REEP1: variants seen among roughly 807,000 people sequenced by gnomAD.
REEP1 encodes receptor accessory protein 1, also known as receptor expression-enhancing protein 1.
A neutral mutation model predicts 40.3 loss-of-function variants in REEP1; 22 were observed. The observed-to-expected ratio is 0.55, with a 90% confidence interval of 0.39 to 0.78. The LOEUF is 0.78. REEP1 is among the 30% of genes least tolerant of loss of function. The probability of loss-of-function intolerance (pLI) is 0.00; values close to 1 mark genes in which losing one functional copy is unlikely to be tolerated. For missense variants in REEP1, 280 were observed against 361.1 expected, an observed-to-expected ratio of 0.78 and a Z score of 1.82; for synonymous variants, 116 against 139.2, an observed-to-expected ratio of 0.83 and a Z score of 1.17.
chr2:86,318,837 A>G (rs36079379), intron 1 of REEP1, among the ~76,000 whole-genome samples: 55,037 of 152,112 alleles, frequency 0.36, 11,893 homozygotes, highest in East Asian at 0.58. Context: ...GTTTGTATTT[A>G]TATAAAAAAA....
intron 2 of REEP1, among the ~76,000 whole-genome samples, chr2:86,269,822 A>C (rs1220047643): frequency 6.6e-6 from 1 of 152,022 alleles, no homozygotes; most frequent in East Asian, 1.9e-4. Flanking sequence ...TATCTGATAA[A>C]GCACTTATAT....
chr2:86,244,063 A>G (rs541458420), intron 5 of REEP1, among the ~76,000 whole-genome samples: 139 of 152,328 alleles, frequency 9.1e-4, no homozygotes, highest in Admixed American at 3.7e-3. Context: ...GAGGTTTTAT[A>G]AAAAGAAAAT....
intron 7 of REEP1, among the ~76,000 whole-genome samples, chr2:86,222,543 G>A (rs773830141): frequency 8.5e-5 from 13 of 152,158 alleles, no homozygotes; most frequent in Non-Finnish European, 1.8e-4. Context: ...AAGCTTCCAC[G>A]CCTCTAGCTG....
At chr2:86,338,025 T>C, upstream of REEP1, 1 of 1,537,180 alleles carries the variant, frequency 6.5e-7, no homozygotes, top group Non-Finnish European at 8.7e-7. Flanking sequence ...AGGGTTTACC[T>C]GGATCCAGAC....
chr2:86,321,133 T>C (rs1370691422), intron 1 of REEP1, among the ~76,000 whole-genome samples: 1 of 152,056 alleles, frequency 6.6e-6, no homozygotes, highest in Admixed American at 6.6e-5. Context: ...ATGAAGAGAC[T>C]TGAAAGACAG....
chr2:86,325,668 C>T (rs1680470788), intron 1 of REEP1, among the ~76,000 whole-genome samples: 1 of 152,160 alleles, frequency 6.6e-6, no homozygotes, highest in Admixed American at 6.5e-5. Context: ...CGGCAGCCAC[C>T]AGAAGCTGGA....
intron 6 of REEP1, among the ~76,000 whole-genome samples, chr2:86,231,234 GGGGGGGGTCCCTC>G (rs1014620397): frequency 5.3e-5 from 8 of 151,698 alleles, no homozygotes; most frequent in African/African-American, 1.9e-4. Flanking sequence ...TCCATTCCTG[GGGGGGGGTCCCTC>G]GGGGGGTAAC....
At chr2:86,273,711 C>G (rs1171223316) in intron 2 of REEP1, among the ~76,000 whole-genome samples, 2 of 152,186 alleles carry the variant, frequency 1.3e-5, no homozygotes, top group Non-Finnish European at 2.9e-5. Context: ...TTTCAGCCCT[C>G]AGATCTCAGC....
chr2:86,295,547 C>T (rs1678934556), intron 1 of REEP1, among the ~76,000 whole-genome samples: 1 of 152,234 alleles, frequency 6.6e-6, no homozygotes, highest in South Asian at 2.1e-4. Context: ...TGTTTTGAGA[C>T]GGAGTCTTGC....
At chr2:86,245,803 C>T (rs1675909721) in intron 5 of REEP1, among the ~76,000 whole-genome samples, 1 of 149,710 alleles carries the variant, frequency 6.7e-6, no homozygotes, top group Non-Finnish European at 1.5e-5. Flanking sequence ...CTCACTCCGT[C>T]TCCCAGGCTG....
At chr2:86,268,330 C>T (rs1677251571) in intron 2 of REEP1, among the ~76,000 whole-genome samples, 1 of 152,158 alleles carries the variant, frequency 6.6e-6, no homozygotes. Flanking sequence ...TATAAAAGTC[C>T]ATTGCTTTCC....
rs1674125795 is a variant in REEP1, at chr2:86,216,602, G to C, written c.*437C>G. The C allele has an allele frequency of 6.1e-6, 1 of 163,086 alleles. No homozygotes were observed. The highest frequency in any genetic ancestry group is 1.4e-5 in the Non-Finnish European group (1 of 74,026). The allele number at this position is 163,086 out of a possible 1,614,324, so 10.1% of individuals were successfully genotyped here. A position where few individuals can be genotyped will look rare whatever the true frequency, so the allele number is the denominator to read the frequency against. On this transcript the variant is annotated 3_prime_UTR_variant, in exon 9 of 9. Coordinates refer to ENST00000538924, the MANE Select transcript of REEP1 (RefSeq NM_001371279.1). ...AAAAGCCATAAATATGTACATCATAGTTCAAAGTATAAGTACCAAGAACAA... is the reference window on the plus strand; with the variant it reads ...AAAAGCCATAAATATGTACATCATACTTCAAAGTATAAGTACCAAGAACAA...
intron 6 of REEP1, among the ~76,000 whole-genome samples, chr2:86,230,235 GGAA>G (rs1334942956): frequency 1.3e-5 from 2 of 152,210 alleles, no homozygotes; most frequent in Non-Finnish European, 2.9e-5. Flanking sequence ...TGCTGGGCTG[GGAA>G]GATACTCCAG....
intron 5 of REEP1, among the ~76,000 whole-genome samples, chr2:86,233,585 G>C (rs1675144007): frequency 6.6e-6 from 1 of 152,164 alleles, no homozygotes; most frequent in African/African-American, 2.4e-5. Context: ...GAGAGAATGT[G>C]TCAGAGTGAA....
chr2:86,233,942 C>G (rs1187925014), intron 5 of REEP1, among the ~76,000 whole-genome samples: 2 of 151,992 alleles, frequency 1.3e-5, no homozygotes, highest in Non-Finnish European at 2.9e-5. Flanking sequence ...ACAGAACCAA[C>G]AAATCAGCAC....
intron 3 of REEP1, among the ~76,000 whole-genome samples, chr2:86,262,333 C>T (rs928299250): frequency 1.3e-5 from 2 of 152,200 alleles, no homozygotes; most frequent in African/African-American, 2.4e-5. Flanking sequence ...CTCGGGGAGA[C>T]AAGGGATGGC....
chr2:86,288,896 A>G (rs1427818282), intron 1 of REEP1, among the ~76,000 whole-genome samples: 1 of 152,182 alleles, frequency 6.6e-6, no homozygotes, highest in African/African-American at 2.4e-5. Flanking sequence ...CCTTTTGGCC[A>G]TTTGGGCTGC....
chr2:86,297,278 G>A (rs1679030137), intron 1 of REEP1, among the ~76,000 whole-genome samples: 1 of 152,240 alleles, frequency 6.6e-6, no homozygotes, highest in South Asian at 2.1e-4. Context: ...TGGGGACCTT[G>A]GTGCTGGTCT....
At chr2:86,258,795 A>G (rs553483982) in intron 3 of REEP1, among the ~76,000 whole-genome samples, 127 of 152,270 alleles carry the variant, frequency 8.3e-4, no homozygotes, top group African/African-American at 3.0e-3. Flanking sequence ...GGCCAGAGGC[A>G]CCCACCACAT....
Sources: gnomAD v4.1 joint callset for allele counts (sites outside exome capture counted in the v4.1 genomes callset) on GRCh38, gnomAD v4.1.1 for gene constraint, MANE v1.5 for transcripts, NCBI Gene and HGNC (gene_info 2026-07-23, HGNC 2026-07-21) for gene names.